FADS6: variants seen among roughly 807,000 people sequenced by gnomAD.
FADS6 encodes the protein fatty acid desaturase 6.
FADS6 carries 28 observed loss-of-function variants against 31.7 expected under a neutral mutation model. The ratio of observed to expected loss-of-function variants is 0.88; its 90% CI spans 0.66 to 1.21. FADS6 has a LOEUF of 1.21. Among genes scored for constraint, FADS6 ranks in the 50% most tolerant of loss-of-function variants. The pLI is 0.00. For synonymous variants in FADS6, 191 were observed against 213.1 expected (o/e 0.90, Z 0.90); for missense variants, 494 against 504.2 (o/e 0.98, Z 0.19).
rs1301840346 is a variant in FADS6 at position 74,882,554 on chromosome 17, T to C, written c.568A>G (p.Ile190Val). The change falls in exon 3 of 6, where the codon ATC becomes GTC. Residue 190 changes from isoleucine (I) to valine (V), a missense_variant. By Grantham distance (29) the Ile-to-Val change is conservative. Transcript: ENST00000612771. ...CCGACAGCCACCAGTGGAGTGGCGA[T>C]GGGGAGGAGGAAAGGAGCAAGGAAC... The part of the protein sequence containing the change: ...YMFLAPFLLP[I>V]ATPLVAVERL... 2.5e-6 allele frequency: 4 copies of C among 1,611,168 alleles called. No individual in the cohort carries two copies. Among genetic ancestry groups the C allele is most frequent in the South Asian group, 1.1e-5 (1 of 90,558 alleles).
At chr17:74,891,627 A>C (rs572244825) in intron 2 of FADS6, among the ~76,000 whole-genome samples, 1 of 152,190 alleles carries the variant, frequency 6.6e-6, no homozygotes, top group South Asian at 2.1e-4. Context: ...TGCTGGTGAG[A>C]GGGGCAGGGG....
chr17:74,879,642 G>A, intron 4 of FADS6, 59 bp from the exon 5 acceptor site: 1 of 1,538,828 alleles, frequency 6.5e-7, no homozygotes, highest in Non-Finnish European at 8.8e-7. Context: ...CACTCCAGGT[G>A]TCCTGGGACC....
At chr17:74,882,438 T>C (rs916075860) in intron 3 of FADS6, 92 bp downstream of exon 3, 2 of 1,408,288 alleles carry the variant, frequency 1.4e-6, no homozygotes, top group African/African-American at 1.4e-5. Context: ...GGCCTTCCTC[T>C]ATAAGCAGCC....
intron 3 of FADS6, among the ~76,000 whole-genome samples, chr17:74,881,506 T>A (rs1392753338): frequency 1.3e-5 from 2 of 152,036 alleles, no homozygotes; most frequent in Non-Finnish European, 2.9e-5. Context: ...GAGACCAGCC[T>A]GGGAAACATG....
At chr17:74,879,220 A>T in intron 5 of FADS6, 184 bp downstream of exon 5, 2 of 701,764 alleles carry the variant, frequency 2.8e-6, no homozygotes, top group Non-Finnish European at 4.5e-6. Context: ...AATTTTTTGT[A>T]GAGATGGGGT....
chr17:74,888,006 T>C (rs1224029754), intron 2 of FADS6, among the ~76,000 whole-genome samples: 9 of 152,138 alleles, frequency 5.9e-5, no homozygotes, highest in Admixed American at 1.3e-4. Context: ...ATTATTTTGA[T>C]GTCATTTGTA....
downstream of FADS6, among the ~76,000 whole-genome samples, chr17:74,875,621 G>C (rs2038502611): frequency 6.6e-6 from 1 of 152,226 alleles, no homozygotes; most frequent in African/African-American, 2.4e-5. Context: ...GTATTTGGAT[G>C]GTTTTAATCA....
In FADS6 at chr17:74,879,392, G is replaced by A; in HGVS notation, c.960+12C>T. On this transcript the variant is annotated intron_variant, in intron 5 of 5. Transcript: ENST00000612771. ...CCTTTATTCCAGCGCCCCCAGCCCAGCCCTCGACTACCTTCAGGCACATGT... is the reference window on the plus strand; with the variant it reads ...CCTTTATTCCAGCGCCCCCAGCCCAACCCTCGACTACCTTCAGGCACATGT... 1 of 1,612,174 alleles carries A rather than the reference G, an allele frequency of 6.2e-7. No homozygotes were observed. Among genetic ancestry groups the A allele is most frequent in the South Asian group, 1.1e-5 (1 of 90,938 alleles).
chr17:74,893,052 G>A (rs944947824), intron 1 of FADS6, among the ~76,000 whole-genome samples: 2 of 151,878 alleles, frequency 1.3e-5, no homozygotes, highest in East Asian at 3.9e-4. Context: ...CCGGGGGTGG[G>A]GGGGCACCTC....
Position 74,882,617 on chromosome 17 carries a change from T to G in FADS6, c.505A>C (p.Thr169Pro), listed in dbSNP as rs754572438. 16 of 1,611,586 alleles carry G rather than the reference T, an allele frequency of 9.9e-6. No homozygotes were observed. Among genetic ancestry groups the G allele is most frequent in the Middle Eastern group, 3.3e-4 (2 of 6,082 alleles). Residue 169 changes from threonine (T) to proline (P), a missense_variant, in exon 3 of 6, where the codon ACG becomes CCG. By Grantham distance (38) the Thr-to-Pro change is conservative. Transcript: ENST00000612771. ...TNVVGLGDSS[T>P]WRLPCLNRYV... The stretch of plus-strand genomic sequence containing the variant: ...CGGTTGAGGCAAGGCAGCCTCCACG[T>G]GCTGGAGTCCCCCAGGCCCACCACG...
chr17:74,879,511 T>G lies in FADS6; in HGVS notation c.853A>C (p.Asn285His). The G allele has an allele frequency of 1.2e-6, 2 of 1,613,872 alleles. No individual in the cohort carries two copies. Among genetic ancestry groups the G allele is most frequent in the Non-Finnish European group, 1.7e-6 (2 of 1,179,878 alleles). Residue 285 changes from asparagine (N) to histidine (H), a missense_variant, in exon 5 of 6, where the codon AAC becomes CAC. Around this residue, in one of 2 missense-constraint regions of FADS6, gnomAD observed 454 missense variants for 438.5 expected, o/e 1.04. Transcript: ENST00000612771. ...RIHMMSLGVL[N>H]LARLPVLDWA... ...TCCAGCACGGGCAGCCGGGCCAGGT[T>G]AAGCACCCCCAGGCTCATCATGTGA...
chr17:74,885,705 G>A (rs1317472278), intron 2 of FADS6, among the ~76,000 whole-genome samples: 1 of 151,868 alleles, frequency 6.6e-6, no homozygotes, highest in Admixed American at 6.6e-5. Context: ...CTGCCCGTCT[G>A]TCCTTACCAT....
In FADS6 at chr17:74,879,447, T is replaced by G; in HGVS notation, c.917A>C (p.Glu306Ala). The G allele has an allele frequency of 1.2e-6, 2 of 1,613,938 alleles. No homozygotes were observed. The highest frequency in any genetic ancestry group is 1.7e-6 in the Non-Finnish European group (2 of 1,179,892). The change falls in exon 5 of 6, where the codon GAA (glutamate) becomes GCA (alanine). Residue 306 changes from glutamate to alanine, a missense_variant. Glu to Ala is a moderately radical substitution (Grantham distance 107). Transcript: ENST00000612771. ...FGHSIISCHV[E>A]HHLFPRLSDN... ...AGAGAGCCTGGGGAATAGATGGTGTTCCACATGGCAGCTGATGATCGAGTG... is the reference window on the plus strand; with the variant it reads ...AGAGAGCCTGGGGAATAGATGGTGTGCCACATGGCAGCTGATGATCGAGTG...
At position 74,892,460 on chromosome 17, in the gene FADS6, C is replaced by G. The variant is rs1258442244; in HGVS notation, c.411+63G>C. 2.6e-6 allele frequency: 4 copies of G among 1,547,352 alleles called. No individual in the cohort carries two copies. The African/African-American group carries it at 5.5e-5, about 21-fold the overall frequency. ...AGCTGGACACACCCGCATGCTCGAA[C>G]AGAAGAATGAGGCTGCCACACGGTC... On this transcript the variant is annotated intron_variant, in intron 2 of 5. Transcript: ENST00000612771.
intron 2 of FADS6, among the ~76,000 whole-genome samples, chr17:74,889,077 T>C (rs1014066566): frequency 1.3e-5 from 2 of 152,244 alleles, no homozygotes; most frequent in South Asian, 2.1e-4. Context: ...TTGGATACTT[T>C]AGGAGAGAAA....
At chr17:74,890,962 C>A (rs1053293286) in intron 2 of FADS6, among the ~76,000 whole-genome samples, 7 of 152,296 alleles carry the variant, frequency 4.6e-5, no homozygotes, top group African/African-American at 7.2e-5. Context: ...GCCTCCAGAT[C>A]ATTCTGCTAC....
intron 2 of FADS6, among the ~76,000 whole-genome samples, chr17:74,885,497 T>C (rs1045017433): frequency 6.6e-6 from 1 of 151,676 alleles, no homozygotes; most frequent in African/African-American, 2.4e-5. Flanking sequence ...CCAGCAAGAG[T>C]CTGGAGAGAG....
At chr17:74,886,868 T>G (rs2038628918) in intron 2 of FADS6, among the ~76,000 whole-genome samples, 1 of 152,080 alleles carries the variant, frequency 6.6e-6, no homozygotes, top group African/African-American at 2.4e-5. Flanking sequence ...CTCCTTAGTT[T>G]GGCCAACTCT....
Position 74,890,512 on chromosome 17 carries a change from C to T in FADS6, c.411+2011G>A, listed in dbSNP as rs185660769. Among the ~76,000 whole-genome samples, 678 of 152,300 alleles carry T rather than the reference C, an allele frequency of 4.5e-3. 4 individuals are homozygous for T. Among genetic ancestry groups the T allele is most frequent in the Admixed American group, 7.3e-3 (111 of 15,306 alleles). ...ACTGCAGTCCACCAGGCAGGTGTCA[C>T]GACATGAAGCGGGAGCCAAGCCTTT... On this transcript the variant is annotated intron_variant, in intron 2 of 5. Transcript: ENST00000612771.
Sources: gnomAD v4.1 joint callset for allele counts (sites outside exome capture counted in the v4.1 genomes callset) on GRCh38, gnomAD v4.1.1 for gene constraint, gnomAD v4.1.1 regional missense constraint, MANE v1.5 for transcripts, NCBI Gene and HGNC (gene_info 2026-07-23, HGNC 2026-07-21) for gene names.